Variants in ITPR3 observed in about 807,000 individuals in gnomAD.
The protein encoded by ITPR3 is inositol 1,4,5-trisphosphate-gated calcium channel ITPR3.
In ITPR3, 173 loss-of-function variants were observed where a neutral mutation model predicts 293.2. That is an observed-to-expected ratio of 0.59 (90% CI 0.52 to 0.67). ITPR3 has a LOEUF of 0.67. Ranked by LOEUF, ITPR3 falls within the 30% of genes least tolerant of loss-of-function variation. ITPR3 has a pLI of 0.00. For synonymous variants in ITPR3, 1,295 were observed against 1,444.4 expected (o/e 0.90, Z 2.35); for missense variants, 2,796 against 3,592.1 (o/e 0.78, Z 5.66).
Position 33,682,528 on chromosome 6 carries a change from A to C in ITPR3, c.4481A>C (p.His1494Pro). 6.5e-7 allele frequency: 1 copy of C among 1,536,798 alleles called. No homozygotes were observed. The stretch of plus-strand genomic sequence containing the variant: ...GGGCTCTGTGACTTCTTGCAGACAC[A>C]CCAGACGATTGTGGTGCAGCTGCTG... ...FSENSTSLQT[H>P]QTIVVQLLQS... Residue 1494 changes from histidine to proline, a missense_variant, in exon 34 of 58, where the codon CAC becomes CCC. Physicochemically the swap from His to Pro is moderately conservative, Grantham distance 77. Transcript: ENST00000605930. The surrounding 1 kb of genome is among the most constrained non-coding windows in gnomAD (Gnocchi z 5.4).
intron 20 of ITPR3, 51 bp from the exon 21 acceptor site, chr6:33,671,114 C>T: frequency 6.2e-7 from 1 of 1,606,134 alleles, no homozygotes. Context: ...CGAAGCCCCG[C>T]CCCTACGCGC....
chr6:33,684,525 G>A lies in ITPR3; in HGVS notation c.5046+60G>A. On this transcript the variant is annotated intron_variant, in intron 37 of 57. Transcript: ENST00000605930. This position sits in a 1 kb window ranked among gnomAD's most constrained non-coding sequence, Gnocchi z 4.2. ...CAGTCAGGAGTACCCAGGGGCTCAG[G>A]GTCAAGCCCGTCAGGCCAGTGGTCA... is the stretch of plus-strand genomic sequence containing the variant. 7.5e-6 allele frequency: 12 copies of A among 1,606,058 alleles called. No individual in the cohort carries two copies. In the South Asian group the frequency reaches 1.2e-4, roughly 16 times the overall value.
In ITPR3 at chr6:33,685,577, G is replaced by T. The variant is rs1163397434; in HGVS notation, c.5482+44G>T. On this transcript the variant is annotated intron_variant, in intron 40 of 57. Coordinates refer to ENST00000605930, the MANE Select transcript of ITPR3 (RefSeq NM_002224.4). ...AGGCACGGCGTGACGGGGATCCCAG[G>T]ATAAGATGTGCAGGGGGGTGGCCAA... 4 of 1,599,670 alleles carry T rather than the reference G, an allele frequency of 2.5e-6. No homozygotes were observed. The African/African-American group carries it at 5.4e-5, about 21-fold the overall frequency.
chr6:33,691,245 G>A lies in ITPR3; in HGVS notation c.7225+136G>A, dbSNP rs919796477. ...GCTTCTCCTCTTGGCTTCTGGGGACGTCTAGCTAACACCAGTCTGCCTCGC... is the reference window on the plus strand; with the variant it reads ...GCTTCTCCTCTTGGCTTCTGGGGACATCTAGCTAACACCAGTCTGCCTCGC... On this transcript the variant is annotated intron_variant, in intron 52 of 57. Coordinates refer to ENST00000605930, the MANE Select transcript of ITPR3 (RefSeq NM_002224.4). The surrounding 1 kb of genome is among the most constrained non-coding windows in gnomAD (Gnocchi z 4.9). The A allele has an allele frequency of 2.6e-5, 21 of 818,736 alleles. No individual in the cohort carries two copies. Among genetic ancestry groups the A allele is most frequent in the African/African-American group, 1.0e-4 (6 of 58,258 alleles). 50.7% of individuals were successfully genotyped at this position (818,736 alleles called of 1,614,324 possible).
At position 33,675,733 on chromosome 6, in the gene ITPR3, C is replaced by T. The variant is rs146722475; in HGVS notation, c.3159C>T (p.Arg1053=). 503 of 1,612,064 alleles carry T rather than the reference C, an allele frequency of 3.1e-4. 3 individuals carry two copies. In the Middle Eastern group the frequency reaches 3.2e-3, roughly 10 times the overall value. The part of the protein sequence containing the change: ...SMLEVDDEGG[R]MFLRVLIHLT... ...TGGAGGTGGATGACGAGGGCGGCCGCATGTTCCTGCGCGTGCTCATCCACC... is the reference window on the plus strand; with the variant it reads ...TGGAGGTGGATGACGAGGGCGGCCGTATGTTCCTGCGCGTGCTCATCCACC... Residue 1053 remains arginine (R), a synonymous_variant, in exon 25 of 58, where the codon CGC becomes CGT. Transcript: ENST00000605930. This position sits in a 1 kb window ranked among gnomAD's most constrained non-coding sequence, Gnocchi z 5.0.
chr6:33,659,278 C>T (rs1764395138), intron 6 of ITPR3, among the ~76,000 whole-genome samples, 159 bp downstream of exon 6: 1 of 152,200 alleles, frequency 6.6e-6, no homozygotes. Flanking sequence ...CAACACTGCC[C>T]TCATTCTCCA....
chr6:33,694,694 CT>C, intron 56 of ITPR3: 2 of 545,998 alleles, frequency 3.7e-6, no homozygotes, highest in Admixed American at 3.4e-5. Context: ...CCGACGCTGC[CT>C]AACGGAAGTC....
At chr6:33,648,289 T>C (rs1005871406) in intron 2 of ITPR3, among the ~76,000 whole-genome samples, 1 of 151,996 alleles carries the variant, frequency 6.6e-6, no homozygotes. Flanking sequence ...TCGTCTCAAA[T>C]TCCCGGGCTC....
chr6:33,647,104 A>G, intron 2 of ITPR3, among the ~76,000 whole-genome samples: 1 of 152,058 alleles, frequency 6.6e-6, no homozygotes, highest in East Asian at 1.9e-4. Context: ...GTTCACTGCA[A>G]CCCTGACCTC....
rs186675396 is a variant in ITPR3 at position 33,638,172 on chromosome 6, A to T, written c.90-2312A>T. 4.0e-4 allele frequency among the ~76,000 whole-genome samples: 60 copies of T among 151,584 alleles called. 1 individual carries two copies. The highest frequency in any genetic ancestry group is 2.3e-3 in the South Asian group (11 of 4,802). On this transcript the variant is annotated intron_variant, in intron 1 of 57. Coordinates refer to ENST00000605930, the MANE Select transcript of ITPR3 (RefSeq NM_002224.4). The surrounding 1 kb of genome is among the most constrained non-coding windows in gnomAD (Gnocchi z 4.3). ...AGGCGCGCACCGCCACGCCCAGCTA[A>T]TTTTTGTATTTTTAGTAGAGATGAG...
At chr6:33,629,955 G>A (rs1207417880) in intron 1 of ITPR3, among the ~76,000 whole-genome samples, 2 of 152,090 alleles carry the variant, frequency 1.3e-5, no homozygotes, top group Non-Finnish European at 2.9e-5. Context: ...GCTGGGCATC[G>A]TGGCACATGC....
chr6:33,684,033 C>T lies in ITPR3; in HGVS notation c.4802C>T (p.Ala1601Val), dbSNP rs1483809883. The change falls in exon 36 of 58, where the codon GCC becomes GTC. Residue 1601 changes from alanine (A) to valine (V), a missense_variant. Ala to Val is a moderately conservative substitution (Grantham distance 64, BLOSUM62 0). Transcript: ENST00000605930. The surrounding 1 kb of genome is among the most constrained non-coding windows in gnomAD (Gnocchi z 4.2). ...IIEKLQDIITALEERLKPLVQ... is the reference protein window; with the variant it reads ...IIEKLQDIITVLEERLKPLVQ... ...TGCCCACCCCAGGACATCATCACAGCCCTGGAGGAGCGGCTGAAGCCCCTG... is the reference window on the plus strand; with the variant it reads ...TGCCCACCCCAGGACATCATCACAGTCCTGGAGGAGCGGCTGAAGCCCCTG... The T allele has an allele frequency of 1.9e-6, 3 of 1,609,414 alleles. No homozygotes were observed. The highest frequency in any genetic ancestry group is 1.3e-5 in the African/African-American group (1 of 74,874).
rs954428292 is a variant in ITPR3 at position 33,683,075 on chromosome 6, G to C, written c.4598-132G>C. ...AGTCCCTCAAGCATAGGCCGGGGTG[G>C]GGGGGGTCTCTGTCTCCCAGACCCT... On this transcript the variant is annotated intron_variant, in intron 34 of 57. Coordinates refer to ENST00000605930, the MANE Select transcript of ITPR3 (RefSeq NM_002224.4). This position sits in a 1 kb window ranked among gnomAD's most constrained non-coding sequence, Gnocchi z 4.5. 958 of 485,704 alleles carry C rather than the reference G, an allele frequency of 2.0e-3. 16 individuals carry two copies. Among genetic ancestry groups the C allele is most frequent in the East Asian group, 0.019 (477 of 25,140 alleles). The allele number at this position is 485,704 out of a possible 1,614,324, so 30.1% of individuals were successfully genotyped here.
chr6:33,680,568 G>A lies in ITPR3; in HGVS notation c.4364G>A (p.Arg1455His), dbSNP rs376683742. ...TLDMARVCSK[R>H]EKRVADPTLE... ...CTCCTGCCTCAGGTCTGCAGCAAGC[G>A]TGAGAAGCGCGTGGCTGACCCCACC... is the stretch of plus-strand genomic sequence containing the variant. Residue 1455 changes from arginine (R) to histidine (H), a missense_variant, in exon 33 of 58, where the codon CGT (arginine) becomes CAT (histidine). Physicochemically the swap from Arg to His is conservative, Grantham distance 29. Transcript: ENST00000605930. 1.6e-5 allele frequency: 26 copies of A among 1,613,760 alleles called. No homozygotes were observed. The African/African-American group carries it at 3.1e-4, about 19-fold the overall frequency.
chr6:33,694,585 A>G (rs901492109), intron 56 of ITPR3: 1 of 285,358 alleles, frequency 3.5e-6, no homozygotes, highest in Non-Finnish European at 6.7e-6. Context: ...AAGGAGATCC[A>G]GGGTCTGTCT....
rs1313836953 is a variant in ITPR3 at position 33,670,511 on chromosome 6, G to A, written c.2376G>A (p.Glu792=). The change falls in exon 19 of 58, where the codon GAG becomes GAA. Residue 792 remains glutamate, a synonymous_variant. Transcript: ENST00000605930. This position sits in a 1 kb window ranked among gnomAD's most constrained non-coding sequence, Gnocchi z 6.7. ...LHVHVDRDPQ[E]LVTPVKFARL... ...TGCACGTGGACCGTGACCCCCAGGAGCTGGTCACGCCGGTCAAGTTTGCCC... is the reference window on the plus strand; with the variant it reads ...TGCACGTGGACCGTGACCCCCAGGAACTGGTCACGCCGGTCAAGTTTGCCC... 1.9e-6 allele frequency: 3 copies of A among 1,613,876 alleles called. No individual in the cohort carries two copies. Among genetic ancestry groups the A allele is most frequent in the East Asian group, 2.2e-5 (1 of 44,854 alleles).
intron 8 of ITPR3, 51 bp downstream of exon 8, chr6:33,662,725 C>A (rs1764504994): frequency 2.5e-6 from 4 of 1,592,604 alleles, no homozygotes; most frequent in East Asian, 2.2e-5. Context: ...GGATGCCACC[C>A]CTCCCTCTTC....
At chr6:33,690,593 A>T (rs1765362040) in intron 51 of ITPR3, among the ~76,000 whole-genome samples, 1 of 152,238 alleles carries the variant, frequency 6.6e-6, no homozygotes, top group African/African-American at 2.4e-5. Context: ...AGATGAAATG[A>T]GCTAATGCAT....
In ITPR3 at chr6:33,680,671, T is replaced by C. The variant is rs1391822424; in HGVS notation, c.4467T>C (p.Thr1489=). The change falls in exon 33 of 58, where the codon ACT becomes ACC. Residue 1489 remains threonine (T), a synonymous_variant. Coordinates refer to ENST00000605930, the MANE Select transcript of ITPR3 (RefSeq NM_002224.4). ...FFSSPFSENS[T]SLQTHQTIVV... ...GCTCCCCATTCTCTGAGAACAGCAC[T>C]TCCCTGCAGGTGAGCTTCTCCTCTC... 5 of 1,612,690 alleles carry C rather than the reference T, an allele frequency of 3.1e-6. No individual in the cohort carries two copies. Among genetic ancestry groups the C allele is most frequent in the Admixed American group, 1.7e-5 (1 of 59,984 alleles).
Sources: gnomAD v4.1 joint callset for allele counts (sites outside exome capture counted in the v4.1 genomes callset) on GRCh38, gnomAD v4.1.1 for gene constraint, Gnocchi (gnomAD v3.1) non-coding constraint, MANE v1.5 for transcripts, NCBI Gene and HGNC (gene_info 2026-07-23, HGNC 2026-07-21) for gene names.